Variants in NCOA2 observed in about 807,000 individuals in gnomAD.
NCOA2 encodes the protein class E basic helix-loop-helix protein 75.
NCOA2 carries 21 observed loss-of-function variants against 145.1 expected under a neutral mutation model. The ratio of observed to expected loss-of-function variants is 0.14; its 90% CI spans 0.10 to 0.21. The LOEUF (loss-of-function observed/expected upper bound fraction) is 0.21. Ranked by LOEUF, NCOA2 falls within the 10% of genes least tolerant of loss-of-function variation. NCOA2 has a pLI of 1.00. For synonymous variants in NCOA2, 619 were observed against 637.5 expected, an observed-to-expected ratio of 0.97 and a Z score of 0.44; for missense variants, 1,472 against 1,837.6, an observed-to-expected ratio of 0.80 and a Z score of 3.64.
intron 4 of NCOA2, among the ~76,000 whole-genome samples, chr8:70,202,573 T>C (rs1171086748): frequency 6.6e-6 from 1 of 152,174 alleles, no homozygotes; most frequent in Non-Finnish European, 1.5e-5. Flanking sequence ...CATTAAGCCA[T>C]GTGAAAGAAC....
the NCOA2 span, among the ~76,000 whole-genome samples, chr8:70,438,642 G>A: frequency 2.6e-5 from 4 of 152,112 alleles, no homozygotes; most frequent in Non-Finnish European, 2.9e-5. Flanking sequence ...TGGCCTGATT[G>A]GAGAGTTTTA....
the NCOA2 span, among the ~76,000 whole-genome samples, chr8:70,409,011 G>A: frequency 6.6e-6 from 1 of 152,056 alleles, no homozygotes; most frequent in Non-Finnish European, 1.5e-5. Flanking sequence ...GGCTGAGGTG[G>A]GAGGATCACT....
intron 2 of NCOA2, among the ~76,000 whole-genome samples, chr8:70,257,510 A>G (rs1823730444): frequency 6.6e-6 from 1 of 152,220 alleles, no homozygotes; most frequent in Non-Finnish European, 1.5e-5. Flanking sequence ...GATGATAAGC[A>G]CTAAGGAGAA....
chr8:70,137,268 C>G (rs1280210201), intron 15 of NCOA2, among the ~76,000 whole-genome samples: 1 of 152,176 alleles, frequency 6.6e-6, no homozygotes, highest in Non-Finnish European at 1.5e-5. Context: ...GTCTCAAACT[C>G]CTGACCTCAG....
intron 2 of NCOA2, among the ~76,000 whole-genome samples, chr8:70,236,285 A>C (rs1348633902): frequency 6.6e-6 from 1 of 152,136 alleles, no homozygotes; most frequent in Non-Finnish European, 1.5e-5. Context: ...CCTTGATTAA[A>C]ATCCTTCAAT....
At chr8:70,153,846 C>T (rs1467598660) in intron 11 of NCOA2, among the ~76,000 whole-genome samples, 1 of 152,214 alleles carries the variant, frequency 6.6e-6, no homozygotes, top group African/African-American at 2.4e-5. Flanking sequence ...GAACCTTGCA[C>T]TAATATCTAA....
At chr8:70,152,005 G>C (rs1238326130) in intron 11 of NCOA2, among the ~76,000 whole-genome samples, 1 of 152,016 alleles carries the variant, frequency 6.6e-6, no homozygotes, top group Non-Finnish European at 1.5e-5. Flanking sequence ...CTCATCAAAA[G>C]TTCTTCTAGT....
At chr8:70,325,879 C>T (rs1211125936) in intron 1 of NCOA2, among the ~76,000 whole-genome samples, 1 of 152,178 alleles carries the variant, frequency 6.6e-6, no homozygotes, top group African/African-American at 2.4e-5. Context: ...TCTCTAACCT[C>T]ATCACCTCAC....
At chr8:70,430,845 A>C in the NCOA2 span, among the ~76,000 whole-genome samples, 2 of 152,242 alleles carry the variant, frequency 1.3e-5, no homozygotes, top group Admixed American at 6.5e-5. Context: ...TAAAGATTCA[A>C]GAATCCAGGA....
chr8:70,254,757 AG>A (rs1247484446), intron 2 of NCOA2, among the ~76,000 whole-genome samples: 1 of 152,118 alleles, frequency 6.6e-6, no homozygotes, highest in Non-Finnish European at 1.5e-5. Context: ...TAACGGGTAA[AG>A]GAAGATGAAA....
At chr8:70,390,563 A>G (rs944310818) in intron 1 of NCOA2, among the ~76,000 whole-genome samples, 6 of 151,992 alleles carry the variant, frequency 3.9e-5, no homozygotes, top group Non-Finnish European at 8.8e-5. Flanking sequence ...GCCCAGTCCA[A>G]GACCAGCCTG....
chr8:70,277,425 G>C (rs1324091581), intron 2 of NCOA2, among the ~76,000 whole-genome samples: 1 of 152,076 alleles, frequency 6.6e-6, no homozygotes, highest in Non-Finnish European at 1.5e-5. Context: ...TGGTTCTTCT[G>C]TAAAGATGTT....
chr8:70,239,838 G>A (rs2058374285), intron 2 of NCOA2, among the ~76,000 whole-genome samples: 1 of 152,192 alleles, frequency 6.6e-6, no homozygotes, highest in African/African-American at 2.4e-5. Flanking sequence ...AAATGAATGA[G>A]CCAAAGTTAC....
chr8:70,378,923 T>C (rs1355443108), intron 1 of NCOA2, among the ~76,000 whole-genome samples: 6 of 152,042 alleles, frequency 3.9e-5, no homozygotes, highest in African/African-American at 1.2e-4. Context: ...GCAGACACCA[T>C]GATGATGATT....
chr8:70,125,359 G>A (rs1026035724), intron 19 of NCOA2, among the ~76,000 whole-genome samples: 23 of 152,206 alleles, frequency 1.5e-4, no homozygotes, highest in African/African-American at 4.8e-4. Context: ...CCTCCTGGGC[G>A]CAAAGGATCC....
chr8:70,203,195 AG>A (rs1818078959), intron 4 of NCOA2, among the ~76,000 whole-genome samples: 1 of 150,350 alleles, frequency 6.7e-6, no homozygotes, highest in Non-Finnish European at 1.5e-5. Flanking sequence ...CCTGGGAGGC[AG>A]AGGTTGCAGT....
intron 1 of NCOA2, among the ~76,000 whole-genome samples, chr8:70,362,070 C>T (rs540380058): frequency 5.9e-5 from 9 of 152,278 alleles, no homozygotes; most frequent in African/African-American, 1.9e-4. Flanking sequence ...TGCATTCTTT[C>T]AAAGTCCGTT....
intron 1 of NCOA2, among the ~76,000 whole-genome samples, chr8:70,380,346 G>A (rs1427736585): frequency 6.6e-6 from 1 of 152,010 alleles, no homozygotes; most frequent in Non-Finnish European, 1.5e-5. Context: ...TCTCTGTCAA[G>A]GCAAATTCTT....
chr8:70,392,844 G>A (rs867507910), intron 1 of NCOA2, among the ~76,000 whole-genome samples: 1 of 152,216 alleles, frequency 6.6e-6, no homozygotes, highest in Non-Finnish European at 1.5e-5. Context: ...TTTTACTGAA[G>A]TGACAAAGCC....
Sources: gnomAD v4.1 joint callset for allele counts (sites outside exome capture counted in the v4.1 genomes callset) on GRCh38, gnomAD v4.1.1 for gene constraint, MANE v1.5 for transcripts, NCBI Gene and HGNC (gene_info 2026-07-23, HGNC 2026-07-21) for gene names.